Variants in ADAMTS17 observed in about 807,000 individuals in gnomAD.
The protein encoded by ADAMTS17 is ADAM metallopeptidase with thrombospondin type 1 motif 17, also known as A disintegrin and metalloproteinase with thrombospondin motifs 17.
ADAMTS17 carries 113 observed loss-of-function variants against 141.5 expected under a neutral mutation model. That is an observed-to-expected ratio of 0.80 (90% CI 0.69 to 0.93). The LOEUF (loss-of-function observed/expected upper bound fraction) is 0.93. Among genes scored for constraint, ADAMTS17 ranks in the 40% least tolerant of loss-of-function variants. The pLI, the probability that ADAMTS17 is intolerant of heterozygous loss-of-function variation, is 0.00. For synonymous variants in ADAMTS17, 768 were observed against 630.6 expected, an observed-to-expected ratio of 1.22 and a Z score of -3.27; for missense variants, 1,659 against 1,517.9, an observed-to-expected ratio of 1.09 and a Z score of -1.54.
intron 18 of ADAMTS17, among the ~76,000 whole-genome samples, chr15:100,025,286 T>C (rs1367751117): frequency 2.6e-5 from 4 of 152,238 alleles, no homozygotes; most frequent in Non-Finnish European, 5.9e-5. Context: ...TTACTGTTTT[T>C]GCTTCCCTGG....
intron 3 of ADAMTS17, among the ~76,000 whole-genome samples, chr15:100,317,569 C>T (rs1262145383): frequency 1.3e-5 from 2 of 152,142 alleles, no homozygotes; most frequent in Non-Finnish European, 2.9e-5. Flanking sequence ...TCAGAAATGC[C>T]ACAGGGCTGT....
At chr15:100,117,651 C>A (rs1349776845) in intron 12 of ADAMTS17, among the ~76,000 whole-genome samples, 2 of 152,078 alleles carry the variant, frequency 1.3e-5, no homozygotes, top group Non-Finnish European at 2.9e-5. Flanking sequence ...TTCCGGAGTT[C>A]CAGACTGTGT....
chr15:99,986,052 G>A (rs921101789), intron 20 of ADAMTS17, among the ~76,000 whole-genome samples: 1 of 152,230 alleles, frequency 6.6e-6, no homozygotes, highest in South Asian at 2.1e-4. Flanking sequence ...CACAGGGTCT[G>A]GCATAGAACA....
intron 8 of ADAMTS17, among the ~76,000 whole-genome samples, chr15:100,195,133 G>A (rs2041062216): frequency 6.6e-6 from 1 of 152,204 alleles, no homozygotes; most frequent in South Asian, 2.1e-4. Flanking sequence ...AAGGGCACGG[G>A]TGTACATTTA....
chr15:100,152,186 A>C (rs1442703850), intron 10 of ADAMTS17, among the ~76,000 whole-genome samples: 3 of 152,186 alleles, frequency 2.0e-5, no homozygotes, highest in Admixed American at 6.5e-5. Flanking sequence ...TCAAATGTTT[A>C]ATAGTTTTAA....
chr15:100,329,466 T>C (rs1328023494), intron 3 of ADAMTS17, among the ~76,000 whole-genome samples: 1 of 145,548 alleles, frequency 6.9e-6, no homozygotes. Context: ...GTCAAGGCTG[T>C]GGCAAGCCAT....
chr15:100,228,973 A>G (rs2042394165), intron 7 of ADAMTS17, among the ~76,000 whole-genome samples: 1 of 152,186 alleles, frequency 6.6e-6, no homozygotes, highest in Non-Finnish European at 1.5e-5. Context: ...TGCTTCCGTT[A>G]AATTTCAGGG....
At chr15:100,022,572 A>G (rs1247619277) in intron 18 of ADAMTS17, among the ~76,000 whole-genome samples, 3 of 152,222 alleles carry the variant, frequency 2.0e-5, no homozygotes, top group African/African-American at 7.2e-5. Flanking sequence ...AATGAGACAC[A>G]GTAATTAGTC....
intron 12 of ADAMTS17, among the ~76,000 whole-genome samples, chr15:100,120,065 T>C (rs925253227): frequency 2.0e-5 from 3 of 152,188 alleles, no homozygotes; most frequent in Non-Finnish European, 2.9e-5. Flanking sequence ...CAATAAGCAC[T>C]AGACTGACGT....
intron 14 of ADAMTS17, among the ~76,000 whole-genome samples, chr15:100,106,681 G>T (rs1274051800): frequency 6.6e-6 from 1 of 152,192 alleles, no homozygotes; most frequent in Non-Finnish European, 1.5e-5. Context: ...GGGATGGCTC[G>T]GCTGGTGCTG....
intron 21 of ADAMTS17, among the ~76,000 whole-genome samples, 163 bp from the exon 22 acceptor site, chr15:99,974,725 G>A (rs1335689888): frequency 6.6e-6 from 1 of 152,224 alleles, no homozygotes; most frequent in Non-Finnish European, 1.5e-5. Flanking sequence ...AGGGCACTGG[G>A]GGTGCCACTT....
intron 12 of ADAMTS17, among the ~76,000 whole-genome samples, chr15:100,131,724 T>G (rs1035845838): frequency 1.3e-4 from 20 of 152,136 alleles, no homozygotes; most frequent in Non-Finnish European, 2.4e-4. Context: ...GGGACTGTCA[T>G]ACAGCTGTCT....
At chr15:100,265,033 G>C (rs1368576159) in intron 4 of ADAMTS17, among the ~76,000 whole-genome samples, 1 of 152,176 alleles carries the variant, frequency 6.6e-6, no homozygotes, top group Admixed American at 6.5e-5. Flanking sequence ...TCTAAATAAT[G>C]TTCTCTAGCA....
chr15:100,082,296 C>T (rs1182829491), intron 15 of ADAMTS17, among the ~76,000 whole-genome samples: 1 of 152,088 alleles, frequency 6.6e-6, no homozygotes, highest in Non-Finnish European at 1.5e-5. Context: ...CATCTCTTGA[C>T]CTCATGATCC....
chr15:100,238,627 C>T (rs1264098958), intron 7 of ADAMTS17, among the ~76,000 whole-genome samples: 3 of 152,212 alleles, frequency 2.0e-5, no homozygotes, highest in Admixed American at 6.5e-5. Context: ...ACAGGTCTGG[C>T]AGACAAGACC....
intron 15 of ADAMTS17, among the ~76,000 whole-genome samples, chr15:100,082,353 C>T (rs1330577410): frequency 2.6e-5 from 4 of 151,856 alleles, no homozygotes; most frequent in African/African-American, 7.3e-5. Context: ...CGTGAGCCAC[C>T]GTGCCTGGCC....
chr15:100,273,663 T>A (rs2043987050), intron 4 of ADAMTS17, among the ~76,000 whole-genome samples: 1 of 152,142 alleles, frequency 6.6e-6, no homozygotes, highest in Admixed American at 6.5e-5. Context: ...GGCTCTATTG[T>A]TTTTCTGTCC....
Position 99,993,459 on chromosome 15 carries a change from A to T in ADAMTS17, c.2797-259T>A, listed in dbSNP as rs943212372. Reference sequence around the variant, plus strand: ...GAACCTGGGGTACTCATAAGGTCACATGAGGGGAGTGGAATTCAGTGGCCA... The same window carrying T: ...GAACCTGGGGTACTCATAAGGTCACTTGAGGGGAGTGGAATTCAGTGGCCA... On this transcript the variant is annotated intron_variant, in intron 19 of 21. Coordinates refer to ENST00000268070, the MANE Select transcript of ADAMTS17 (RefSeq NM_139057.4). This position sits in a 1 kb window ranked among gnomAD's most constrained non-coding sequence, Gnocchi z 4.3. Among the ~76,000 whole-genome samples, 2 of 152,150 alleles carry T rather than the reference A, an allele frequency of 1.3e-5. No homozygotes were observed. Among genetic ancestry groups the T allele is most frequent in the African/African-American group, 4.8e-5 (2 of 41,442 alleles).
intron 15 of ADAMTS17, among the ~76,000 whole-genome samples, chr15:100,059,253 C>T (rs1309954765): frequency 1.3e-5 from 2 of 152,346 alleles, no homozygotes; most frequent in East Asian, 1.9e-4. Context: ...AGAAAGAATA[C>T]ACTTGGCATG....
Sources: allele counts gnomAD v4.1 joint callset (sites outside exome capture counted in the v4.1 genomes callset), GRCh38; gene constraint gnomAD v4.1.1; non-coding constraint Gnocchi (gnomAD v3.1); transcripts MANE v1.5; gene names NCBI Gene and HGNC (gene_info 2026-07-23, HGNC 2026-07-21).